MCUB: variants seen among roughly 807,000 people sequenced by gnomAD.
MCUB encodes calcium uniporter regulatory subunit MCUb, mitochondrial.
In MCUB, 46 loss-of-function variants were observed where a neutral mutation model predicts 41.4. That is an observed-to-expected ratio of 1.11 (90% CI 0.88 to 1.42). MCUB has a LOEUF of 1.42. MCUB is among the 40% of genes most tolerant of loss of function. The pLI is 0.00. For missense variants in MCUB, 403 were observed against 404.9 expected, an observed-to-expected ratio of 1.00 and a Z score of 0.04; for synonymous variants, 148 against 148.2, an observed-to-expected ratio of 1.00 and a Z score of 0.01.
chr4:109,636,365 C>T (rs1158851294), intron 1 of MCUB, among the ~76,000 whole-genome samples: 2 of 152,040 alleles, frequency 1.3e-5, no homozygotes, highest in African/African-American at 4.8e-5. Context: ...GTTGAAGCAA[C>T]GTGACTAGAT....
intron 1 of MCUB, among the ~76,000 whole-genome samples, chr4:109,616,426 C>A (rs1005696903): frequency 6.6e-6 from 1 of 152,180 alleles, no homozygotes; most frequent in Admixed American, 6.5e-5. Flanking sequence ...CACAATAGGG[C>A]TGTATTGTCC....
At chr4:109,654,856 C>G (rs955320972) in intron 1 of MCUB, among the ~76,000 whole-genome samples, 2 of 152,194 alleles carry the variant, frequency 1.3e-5, no homozygotes, top group Non-Finnish European at 2.9e-5. Flanking sequence ...TTTCCTCATA[C>G]CAACAACCAA....
chr4:109,614,612 T>C (rs904941826), intron 1 of MCUB, among the ~76,000 whole-genome samples: 12 of 150,074 alleles, frequency 8.0e-5, no homozygotes, highest in Non-Finnish European at 1.6e-4. Context: ...TTAAGCCACT[T>C]AGTCTGTGGT....
At chr4:109,658,225 G>C (rs561083372) in intron 1 of MCUB, among the ~76,000 whole-genome samples, 1 of 152,228 alleles carries the variant, frequency 6.6e-6, no homozygotes, top group African/African-American at 2.4e-5. Context: ...ACTCTAATGT[G>C]CATGTGAATC....
At chr4:109,667,906 GTGTTAGAAGTACA>G (rs1421845912) in intron 4 of MCUB, among the ~76,000 whole-genome samples, 1 of 151,554 alleles carries the variant, frequency 6.6e-6, no homozygotes, top group Non-Finnish European at 1.5e-5. Context: ...TTTGACCCAT[GTGTTAGAAGTACA>G]TTATTTAATA....
Position 109,667,331 on chromosome 4 carries a change from A to C in MCUB, c.451+2937A>C, listed in dbSNP as rs1729366386. Among the ~76,000 whole-genome samples the C allele has an allele frequency of 2.0e-5, 3 of 151,938 alleles. No individual in the cohort carries two copies. In the South Asian group the frequency reaches 6.2e-4, roughly 32 times the overall value. On this transcript the variant is annotated intron_variant, in intron 4 of 7. Transcript: ENST00000394650. ...TTTTGATAGATTGTACCTTTTAGAG[A>C]ATTAATCTATTTTGTCTAGGTTATT...
intron 1 of MCUB, among the ~76,000 whole-genome samples, chr4:109,565,631 G>C (rs1726753187): frequency 1.3e-5 from 2 of 152,158 alleles, no homozygotes. Context: ...ATATGGCTGA[G>C]ATAATGCTGT....
At chr4:109,585,973 T>G (rs998216523) in intron 1 of MCUB, among the ~76,000 whole-genome samples, 1 of 152,214 alleles carries the variant, frequency 6.6e-6, no homozygotes, top group Non-Finnish European at 1.5e-5. Flanking sequence ...CTGTGTTTCC[T>G]GAATTTGAAT....
chr4:109,583,354 G>A (rs1727228954), intron 1 of MCUB, among the ~76,000 whole-genome samples: 1 of 151,932 alleles, frequency 6.6e-6, no homozygotes, highest in African/African-American at 2.4e-5. Context: ...TCATGATTTG[G>A]CTCTGTGTGT....
intron 1 of MCUB, among the ~76,000 whole-genome samples, chr4:109,621,055 C>T (rs771624019): frequency 2.6e-5 from 4 of 152,044 alleles, no homozygotes; most frequent in East Asian, 1.9e-4. Context: ...CATGCCACCA[C>T]GCCCGGCTAA....
rs73838853 is a variant in MCUB, at chr4:109,655,741, G to A, written c.100-3270G>A. 8.7e-3 allele frequency among the ~76,000 whole-genome samples: 1,329 copies of A among 152,228 alleles called. 30 individuals are homozygous for A. Among genetic ancestry groups the A allele is most frequent in the African/African-American group, 0.03 (1,228 of 41,524 alleles). ...TCTAGCATGTTGCCACGAAGCCTGGGGCAGCAGGGGGTGTGTGTGTGTGGT... is the reference window on the plus strand; with the variant it reads ...TCTAGCATGTTGCCACGAAGCCTGGAGCAGCAGGGGGTGTGTGTGTGTGGT... On this transcript the variant is annotated intron_variant, in intron 1 of 7. Coordinates refer to ENST00000394650, the MANE Select transcript of MCUB (RefSeq NM_017918.5).
At chr4:109,576,045 G>A (rs1444898686) in intron 1 of MCUB, among the ~76,000 whole-genome samples, 1 of 152,186 alleles carries the variant, frequency 6.6e-6, no homozygotes, top group Non-Finnish European at 1.5e-5. Flanking sequence ...TAGTGGAGTT[G>A]TACTTGGGGC....
chr4:109,630,233 G>A (rs113114558), intron 1 of MCUB, among the ~76,000 whole-genome samples: 4,063 of 152,212 alleles, frequency 0.027, 196 homozygotes, highest in African/African-American at 0.094. Flanking sequence ...GGCTGAAGTG[G>A]GAGCATCACT....
intron 1 of MCUB, among the ~76,000 whole-genome samples, chr4:109,613,868 A>G (rs186445914): frequency 4.1e-4 from 62 of 152,244 alleles, no homozygotes; most frequent in African/African-American, 1.3e-3. Context: ...TTTTCCCCCA[A>G]AGGTAACATT....
At chr4:109,651,690 A>G (rs1728965181) in intron 1 of MCUB, among the ~76,000 whole-genome samples, 1 of 152,196 alleles carries the variant, frequency 6.6e-6, no homozygotes, top group African/African-American at 2.4e-5. Flanking sequence ...CCAGTACTTC[A>G]GTCTAACACT....
intron 1 of MCUB, among the ~76,000 whole-genome samples, chr4:109,594,087 T>C (rs1024720775): frequency 2.6e-5 from 4 of 152,338 alleles, no homozygotes; most frequent in African/African-American, 7.2e-5. Context: ...AGGTATAGCC[T>C]TAGTTCTGGT....
At chr4:109,651,855 C>T (rs1728967455) in intron 1 of MCUB, among the ~76,000 whole-genome samples, 1 of 152,110 alleles carries the variant, frequency 6.6e-6, no homozygotes, top group African/African-American at 2.4e-5. Context: ...GCTTTCTTAC[C>T]CCAACTGGGC....
intron 4 of MCUB, among the ~76,000 whole-genome samples, chr4:109,666,435 G>T (rs988693119): frequency 2.6e-5 from 4 of 152,172 alleles, no homozygotes; most frequent in Non-Finnish European, 5.9e-5. Flanking sequence ...GAGAATTCCT[G>T]TTGCCCCATA....
chr4:109,679,127 C>T (rs1055804488), intron 4 of MCUB, among the ~76,000 whole-genome samples: 21 of 140,880 alleles, frequency 1.5e-4, no homozygotes, highest in South Asian at 2.4e-4. Flanking sequence ...TCCTCCCAGA[C>T]GGGATGGCCG....
Sources: gnomAD v4.1 joint callset for allele counts (sites outside exome capture counted in the v4.1 genomes callset) on GRCh38, gnomAD v4.1.1 for gene constraint, MANE v1.5 for transcripts, NCBI Gene and HGNC (gene_info 2026-07-23, HGNC 2026-07-21) for gene names.